Variants in ADGRL2 observed in about 807,000 individuals in gnomAD.
The protein encoded by ADGRL2 is calcium-independent alpha-latrotoxin receptor 2.
Under a neutral mutation model 157.4 loss-of-function variants are expected in ADGRL2, and 44 were observed. The observed-to-expected ratio is 0.28, with a 90% CI of 0.22 to 0.36. The LOEUF is 0.36. Among genes scored for constraint, ADGRL2 ranks in the 10% least tolerant of loss-of-function variants. ADGRL2 has a pLI of 1.00. For missense variants in ADGRL2, 1,510 were observed against 1,768.9 expected, an observed-to-expected ratio of 0.85 and a Z score of 2.63; for synonymous variants, 585 against 624.7, an observed-to-expected ratio of 0.94 and a Z score of 0.95.
intron 1 of ADGRL2, among the ~76,000 whole-genome samples, chr1:81,313,353 G>C (rs988346812): frequency 6.6e-6 from 1 of 152,170 alleles, no homozygotes; most frequent in Non-Finnish European, 1.5e-5. Flanking sequence ...TTCCTATGCT[G>C]GGGGTCACAT....
rs184090969 is a variant in ADGRL2 at position 81,920,698 on chromosome 1, A to T, written c.287+13468A>T. Among the ~76,000 whole-genome samples, 17 of 151,992 alleles carry T rather than the reference A, an allele frequency of 1.1e-4. No homozygotes were observed. The East Asian group carries it at 3.1e-3, about 28-fold the overall frequency. Reference sequence around the variant, plus strand: ...GGAGTTCGCCTTCTCACTCTCCCCAACCCTGCATCTGTCATGGCTTCAATG... The same window carrying T: ...GGAGTTCGCCTTCTCACTCTCCCCATCCCTGCATCTGTCATGGCTTCAATG... On this transcript the variant is annotated intron_variant, in intron 3 of 23. Coordinates refer to ENST00000686636, the MANE Select transcript of ADGRL2 (RefSeq NM_001366006.2).
chr1:81,720,584 T>C (rs2149121274), intron 1 of ADGRL2, among the ~76,000 whole-genome samples: 1 of 152,212 alleles, frequency 6.6e-6, no homozygotes, highest in Admixed American at 6.5e-5. Flanking sequence ...GGTACAAAAC[T>C]GAGGGTGAGA....
chr1:81,780,069 G>T (rs1042768310), intron 2 of ADGRL2, among the ~76,000 whole-genome samples: 5 of 152,054 alleles, frequency 3.3e-5, no homozygotes, highest in African/African-American at 1.2e-4. Flanking sequence ...GTCACATAGC[G>T]CTATCACTTC....
At chr1:81,386,556 G>A (rs531484093) in intron 1 of ADGRL2, among the ~76,000 whole-genome samples, 4 of 152,158 alleles carry the variant, frequency 2.6e-5, no homozygotes, top group South Asian at 4.2e-4. Flanking sequence ...CTGGGACCTC[G>A]TATTTTTGGT....
chr1:81,481,565 A>G (rs1421101553), intron 2 of ADGRL2, among the ~76,000 whole-genome samples: 2 of 152,174 alleles, frequency 1.3e-5, no homozygotes, highest in African/African-American at 4.8e-5. Context: ...GGGGAAGACC[A>G]AAAGTCGTGT....
intron 1 of ADGRL2, among the ~76,000 whole-genome samples, chr1:81,313,269 T>C (rs979974618): frequency 6.6e-6 from 1 of 152,188 alleles, no homozygotes; most frequent in African/African-American, 2.4e-5. Context: ...AAGTGAGGCT[T>C]AAAATTCTTA....
At chr1:81,382,707 A>G (rs538808185) in intron 1 of ADGRL2, among the ~76,000 whole-genome samples, 72 of 152,340 alleles carry the variant, frequency 4.7e-4, no homozygotes, top group Non-Finnish European at 8.4e-4. Context: ...CCAAAAATAA[A>G]TAGTGACAGA....
At chr1:81,945,195 T>A (rs1465007960) in intron 6 of ADGRL2, among the ~76,000 whole-genome samples, 1 of 152,102 alleles carries the variant, frequency 6.6e-6, no homozygotes, top group Non-Finnish European at 1.5e-5. Context: ...CAGTTTGGTT[T>A]GTTTCATCTA....
In ADGRL2 at chr1:81,375,439, G is replaced by T. The variant is rs114502171; in HGVS notation, c.-302+68930G>T. ...ATGGATCATTTACAATAATATACAGGTATAAATAAGAAGAGGGATTTTATC... is the reference window on the plus strand; with the variant it reads ...ATGGATCATTTACAATAATATACAGTTATAAATAAGAAGAGGGATTTTATC... On this transcript the variant is annotated intron_variant, in intron 1 of 24. Transcript: ENST00000370721. 6.8e-3 allele frequency among the ~76,000 whole-genome samples: 1,032 copies of T among 152,198 alleles called. 14 individuals carry two copies. The highest frequency in any genetic ancestry group is 0.023 in the African/African-American group (973 of 41,516).
chr1:81,504,330 C>T (rs1570310081), intron 2 of ADGRL2, among the ~76,000 whole-genome samples: 1 of 152,180 alleles, frequency 6.6e-6, no homozygotes, highest in East Asian at 1.9e-4. Flanking sequence ...CAGCCTTCTT[C>T]AGCCCTCTTC....
chr1:81,348,276 CAT>C (rs1218973402), intron 1 of ADGRL2, among the ~76,000 whole-genome samples: 1 of 152,196 alleles, frequency 6.6e-6, no homozygotes, highest in African/African-American at 2.4e-5. Context: ...GACACACACA[CAT>C]ACACACACAC....
chr1:81,770,997 G>T (rs529687664), intron 2 of ADGRL2, among the ~76,000 whole-genome samples: 1 of 151,886 alleles, frequency 6.6e-6, no homozygotes, highest in South Asian at 2.1e-4. Flanking sequence ...TTTTCTCTTG[G>T]ATTTCCTGTA....
chr1:81,976,974 A>C (rs529513865), intron 17 of ADGRL2, among the ~76,000 whole-genome samples: 8 of 151,886 alleles, frequency 5.3e-5, no homozygotes, highest in Non-Finnish European at 1.2e-4. Context: ...ATAGAAATGG[A>C]AACTTTTAAA....
intron 11 of ADGRL2, among the ~76,000 whole-genome samples, chr1:81,956,908 A>G (rs928235367): frequency 2.0e-5 from 3 of 152,148 alleles, no homozygotes; most frequent in African/African-American, 7.2e-5. Context: ...CTTAATGCCT[A>G]ATTATGCCTT....
intron 1 of ADGRL2, among the ~76,000 whole-genome samples, chr1:81,397,677 A>G (rs1472024736): frequency 3.9e-5 from 6 of 151,938 alleles, no homozygotes; most frequent in Admixed American, 3.3e-4. Context: ...TCTTTTTTAG[A>G]TAATTGTTAT....
chr1:81,350,860 A>C (rs545163620), intron 1 of ADGRL2, among the ~76,000 whole-genome samples: 67 of 152,302 alleles, frequency 4.4e-4, no homozygotes, highest in African/African-American at 1.6e-3. Context: ...TTATATTAGC[A>C]TATCTTTGAT....
chr1:81,852,885 T>G lies in ADGRL2; in HGVS notation c.73+15828T>G, dbSNP rs576425023. On this transcript the variant is annotated intron_variant, in intron 2 of 23. Coordinates refer to ENST00000686636, the MANE Select transcript of ADGRL2 (RefSeq NM_001366006.2). ...TTATTAAATTATTTTTTAACTGTGC[T>G]TAAGAAAAATCTTATTGGTATTTAA... Among the ~76,000 whole-genome samples the G allele has an allele frequency of 6.1e-4, 93 of 152,306 alleles. 1 individual carries two copies. In the South Asian group the frequency reaches 0.019, roughly 32 times the overall value.
intron 2 of ADGRL2, chr1:81,501,712 G>A (rs1416161485): frequency 1.9e-6 from 3 of 1,600,236 alleles, no homozygotes; most frequent in Non-Finnish European, 2.6e-6. Flanking sequence ...CAGTGTGCCT[G>A]GTGGGCTGTG....
chr1:81,727,941 A>G (rs2149162952), intron 1 of ADGRL2, among the ~76,000 whole-genome samples: 1 of 152,112 alleles, frequency 6.6e-6, no homozygotes, highest in African/African-American at 2.4e-5. Flanking sequence ...TGTTTTGTTT[A>G]CTGCTAAATA....
Sources: allele counts gnomAD v4.1 joint callset (sites outside exome capture counted in the v4.1 genomes callset), GRCh38; gene constraint gnomAD v4.1.1; transcripts MANE v1.5; gene names NCBI Gene and HGNC (gene_info 2026-07-23, HGNC 2026-07-21).